The following AGMO variants were observed in gnomAD, a reference collection of about 807,000 sequenced individuals.
AGMO encodes alkylglycerol monooxygenase.
In AGMO, 75 loss-of-function variants were observed where a neutral mutation model predicts 60.2. The ratio of observed to expected loss-of-function variants is 1.25; its 90% CI spans 1.03 to 1.51. The LOEUF (loss-of-function observed/expected upper bound fraction) is 1.51, where lower values mean the gene tolerates loss of function less well. Ranked by LOEUF, AGMO falls within the 40% of genes most tolerant of loss-of-function variation. The pLI, the probability that AGMO is intolerant of heterozygous loss-of-function variation, is 0.00. For synonymous variants in AGMO, 261 were observed against 177.1 expected, an observed-to-expected ratio of 1.47 and a Z score of -3.76; for missense variants, 763 against 525.5, an observed-to-expected ratio of 1.45 and a Z score of -4.42.
intron 12 of AGMO, among the ~76,000 whole-genome samples, chr7:15,244,637 TTTTGTTTG>T (rs767163376): frequency 3.3e-5 from 5 of 151,356 alleles, no homozygotes; most frequent in African/African-American, 9.8e-5. Flanking sequence ...TCATTCTTTT[TTTTGTTTG>T]TTTGTTTGTT....
the AGMO span, among the ~76,000 whole-genome samples, chr7:15,150,554 C>T: frequency 4.0e-3 from 602 of 151,896 alleles, 4 homozygotes; most frequent in Non-Finnish European, 6.4e-3. Flanking sequence ...GTGCATCTAT[C>T]GAGATCAAGT....
At chr7:15,543,610 C>T (rs1784689819) in intron 3 of AGMO, among the ~76,000 whole-genome samples, 1 of 152,048 alleles carries the variant, frequency 6.6e-6, no homozygotes, top group Admixed American at 6.6e-5. Flanking sequence ...CAGGGTCCTT[C>T]TGAATGACCC....
chr7:15,481,843 G>T lies in AGMO; in HGVS notation c.410-50735C>A, dbSNP rs1279646605. On this transcript the variant is annotated intron_variant, in intron 3 of 12. Transcript: ENST00000342526. ...TCAGGTTAATGCATTTCAAAAGATG[G>T]AAATAGCAGTGTATGTTCTCTGAAC... Among the ~76,000 whole-genome samples, 7 of 144,988 alleles carry T rather than the reference G, an allele frequency of 4.8e-5. No individual in the cohort carries two copies. The Admixed American group carries it at 5.0e-4, about 10-fold the overall frequency.
At chr7:15,300,341 G>A (rs1784531431) in intron 12 of AGMO, among the ~76,000 whole-genome samples, 1 of 152,146 alleles carries the variant, frequency 6.6e-6, no homozygotes, top group Admixed American at 6.6e-5. Context: ...CCAGATTGAT[G>A]GTTTGGCAGC....
intron 12 of AGMO, among the ~76,000 whole-genome samples, chr7:15,227,190 A>G (rs1782110066): frequency 6.6e-6 from 1 of 152,032 alleles, no homozygotes; most frequent in Non-Finnish European, 1.5e-5. Context: ...ACGTAACCAA[A>G]TTGCAGTCTA....
At chr7:15,278,241 G>A (rs1324850052) in intron 12 of AGMO, among the ~76,000 whole-genome samples, 1 of 152,124 alleles carries the variant, frequency 6.6e-6, no homozygotes, top group Non-Finnish European at 1.5e-5. Context: ...ATGTACAGAA[G>A]GGGAGTGACT....
intron 2 of AGMO, among the ~76,000 whole-genome samples, chr7:15,550,272 C>T (rs1427431901): frequency 6.6e-6 from 1 of 151,544 alleles, no homozygotes; most frequent in Non-Finnish European, 1.5e-5. Context: ...AAAGCAAGAG[C>T]AAACACATTC....
chr7:15,552,986 C>T (rs992302024), intron 2 of AGMO, among the ~76,000 whole-genome samples: 2 of 152,012 alleles, frequency 1.3e-5, no homozygotes, highest in African/African-American at 2.4e-5. Context: ...GAATACTACA[C>T]AGCCATAAAA....
the AGMO span, among the ~76,000 whole-genome samples, chr7:15,177,663 C>T: frequency 6.6e-6 from 1 of 152,054 alleles, no homozygotes; most frequent in Non-Finnish European, 1.5e-5. Context: ...CATGTCTTAA[C>T]TCTTACTCGG....
At chr7:15,383,474 G>A (rs60713632) in intron 10 of AGMO, among the ~76,000 whole-genome samples, 21,256 of 147,764 alleles carry the variant, frequency 0.14, 1,647 homozygotes, top group African/African-American at 0.19. Context: ...TCCTGCTCAG[G>A]ACCTATTTCA....
At chr7:15,448,005 T>C (rs983872325) in intron 3 of AGMO, among the ~76,000 whole-genome samples, 1 of 152,216 alleles carries the variant, frequency 6.6e-6, no homozygotes, top group African/African-American at 2.4e-5. Context: ...ATTCTTTTGA[T>C]TGCTTCGGGT....
the AGMO span, among the ~76,000 whole-genome samples, chr7:15,132,721 A>C: frequency 6.6e-6 from 1 of 152,190 alleles, no homozygotes; most frequent in South Asian, 2.1e-4. Flanking sequence ...AATGTGAATC[A>C]AGGCAGTGAA....
chr7:15,301,442 A>G (rs905074630), intron 12 of AGMO, among the ~76,000 whole-genome samples: 2 of 130,668 alleles, frequency 1.5e-5, no homozygotes, highest in African/African-American at 3.1e-5. Context: ...CAGTCTCAGG[A>G]AAAAAAAAAG....
intron 3 of AGMO, among the ~76,000 whole-genome samples, chr7:15,518,917 T>C (rs1358808685): frequency 6.6e-6 from 1 of 151,552 alleles, no homozygotes; most frequent in Admixed American, 6.6e-5. Flanking sequence ...GCTAAGAATA[T>C]TGATAAAAAG....
the AGMO span, among the ~76,000 whole-genome samples, chr7:15,188,391 G>A: frequency 6.6e-6 from 1 of 152,140 alleles, no homozygotes; most frequent in Non-Finnish European, 1.5e-5. Context: ...TGGTACATGG[G>A]AAGTACTATG....
chr7:15,328,553 T>G (rs1781414605), intron 12 of AGMO, among the ~76,000 whole-genome samples: 1 of 152,188 alleles, frequency 6.6e-6, no homozygotes, highest in African/African-American at 2.4e-5. Context: ...GACCAATCTG[T>G]TGCTGAAGAA....
Position 15,416,525 on chromosome 7 carries a change from G to A in AGMO, c.609+2033C>T, listed in dbSNP as rs1008840525. Among the ~76,000 whole-genome samples the A allele has an allele frequency of 7.9e-5, 12 of 152,132 alleles. No individual in the cohort carries two copies. The East Asian group carries it at 2.3e-3, about 29-fold the overall frequency. On this transcript the variant is annotated intron_variant, in intron 5 of 12. Coordinates refer to ENST00000342526, the MANE Select transcript of AGMO (RefSeq NM_001004320.2). Reference sequence around the variant, plus strand: ...ATCTTCTTCACTTTCAAAAAAATCAGTATCTTCTTAAGATCATATTCCCCT... The same window carrying A: ...ATCTTCTTCACTTTCAAAAAAATCAATATCTTCTTAAGATCATATTCCCCT...
intron 12 of AGMO, among the ~76,000 whole-genome samples, chr7:15,348,117 G>A (rs572930166): frequency 6.6e-6 from 1 of 151,968 alleles, no homozygotes; most frequent in African/African-American, 2.4e-5. Flanking sequence ...TATTGTATCA[G>A]AGATGGAAAG....
chr7:15,208,340 T>C (rs942880918), intron 12 of AGMO, among the ~76,000 whole-genome samples: 7 of 152,198 alleles, frequency 4.6e-5, no homozygotes, highest in Admixed American at 1.3e-4. Flanking sequence ...GGCATAAGTA[T>C]CTTAGTAAAG....
Sources: allele counts gnomAD v4.1 joint callset (sites outside exome capture counted in the v4.1 genomes callset), GRCh38; gene constraint gnomAD v4.1.1; transcripts MANE v1.5; gene names NCBI Gene and HGNC (gene_info 2026-07-23, HGNC 2026-07-21).